Variants in ERC2 observed in about 807,000 individuals in gnomAD.
The protein encoded by ERC2 is ERC protein 2.
A neutral mutation model predicts 114.8 loss-of-function variants in ERC2; 42 were observed. The observed-to-expected ratio is 0.37, with a 90% CI of 0.29 to 0.47. The LOEUF (loss-of-function observed/expected upper bound fraction) is 0.47, where lower values mean the gene tolerates loss of function less well. Ranked by LOEUF, ERC2 falls within the 20% of genes least tolerant of loss-of-function variation. The probability of loss-of-function intolerance (pLI) is 0.99; values close to 1 mark genes in which losing one functional copy is unlikely to be tolerated. For missense variants in ERC2, 939 were observed against 1,150.7 expected (o/e 0.82, Z 2.66); for synonymous variants, 454 against 425.5 (o/e 1.07, Z -0.82).
chr3:55,665,543 G>T (rs1559470578), intron 17 of ERC2, among the ~76,000 whole-genome samples: 1 of 152,104 alleles, frequency 6.6e-6, no homozygotes, highest in South Asian at 2.1e-4. Flanking sequence ...AACAACGCCG[G>T]GAGAAAATGA....
intron 3 of ERC2, among the ~76,000 whole-genome samples, chr3:56,174,833 C>T (rs182645910): frequency 6.6e-6 from 1 of 152,180 alleles, no homozygotes; most frequent in African/African-American, 2.4e-5. Context: ...CAAAAATCAG[C>T]TGGGCATAGT....
intron 2 of ERC2, 118 bp from the exon 3 acceptor site, chr3:56,296,553 A>C: frequency 9.1e-7 from 1 of 1,099,048 alleles, no homozygotes; most frequent in East Asian, 2.6e-5. Context: ...TGAGGTCCGG[A>C]GGGCCAGCCA....
intron 2 of ERC2, among the ~76,000 whole-genome samples, chr3:56,425,830 AC>A (rs2061551854): frequency 6.6e-6 from 1 of 152,144 alleles, no homozygotes; most frequent in Non-Finnish European, 1.5e-5. Flanking sequence ...GAATGACCAA[AC>A]AACAGTGACT....
intron 14 of ERC2, among the ~76,000 whole-genome samples, chr3:55,869,605 A>G (rs565277714): frequency 6.6e-6 from 1 of 152,146 alleles, no homozygotes; most frequent in South Asian, 2.1e-4. Context: ...GCATTCCTCA[A>G]CCACATGACT....
chr3:55,630,287 C>T (rs1274968979), intron 17 of ERC2, among the ~76,000 whole-genome samples: 1 of 152,138 alleles, frequency 6.6e-6, no homozygotes, highest in Non-Finnish European at 1.5e-5. Flanking sequence ...CTCCTGCCTC[C>T]GCCGCCTGAG....
At chr3:55,960,599 C>T (rs1179109023) in intron 12 of ERC2, among the ~76,000 whole-genome samples, 1 of 152,128 alleles carries the variant, frequency 6.6e-6, no homozygotes, top group Non-Finnish European at 1.5e-5. Flanking sequence ...TTTTGAATTC[C>T]TTATGGACTA....
intron 13 of ERC2, among the ~76,000 whole-genome samples, chr3:55,895,086 G>A (rs1024240388): frequency 1.3e-5 from 2 of 152,166 alleles, no homozygotes; most frequent in Non-Finnish European, 2.9e-5. Context: ...ATCAAAAGCT[G>A]GAGCTCTAGA....
intron 6 of ERC2, among the ~76,000 whole-genome samples, chr3:56,095,849 G>T (rs938925880): frequency 2.6e-5 from 4 of 152,154 alleles, no homozygotes; most frequent in African/African-American, 9.7e-5. Context: ...ATCCATGGTG[G>T]TACATATTAT....
At chr3:55,723,111 A>G (rs1396406220) in intron 15 of ERC2, among the ~76,000 whole-genome samples, 1 of 152,254 alleles carries the variant, frequency 6.6e-6, no homozygotes, top group Admixed American at 6.5e-5. Context: ...CTGCAAAATG[A>G]TGGAAATCAT....
At chr3:56,258,379 C>T (rs1036628387) in intron 3 of ERC2, among the ~76,000 whole-genome samples, 5 of 152,148 alleles carry the variant, frequency 3.3e-5, no homozygotes, top group South Asian at 2.1e-4. Flanking sequence ...ATGTACTGGC[C>T]GGGCGCGGTG....
chr3:56,234,198 C>T (rs2150184841), intron 3 of ERC2, among the ~76,000 whole-genome samples: 1 of 152,286 alleles, frequency 6.6e-6, no homozygotes. Context: ...ACAGGCAAGA[C>T]AAAGAGTAGC....
At chr3:56,272,212 C>T (rs578155129) in intron 3 of ERC2, among the ~76,000 whole-genome samples, 1 of 152,264 alleles carries the variant, frequency 6.6e-6, no homozygotes, top group African/African-American at 2.4e-5. Flanking sequence ...TCAAAGTAAC[C>T]AACCTGGGCA....
intron 3 of ERC2, among the ~76,000 whole-genome samples, chr3:56,273,905 G>A (rs1389840400): frequency 6.7e-6 from 1 of 149,284 alleles, no homozygotes; most frequent in East Asian, 2.0e-4. Flanking sequence ...GTGCCCTCTA[G>A]AGTTGTGCAG....
chr3:56,301,307 TTTTAA>T (rs1319077727), intron 2 of ERC2, among the ~76,000 whole-genome samples: 1 of 152,256 alleles, frequency 6.6e-6, no homozygotes, highest in Non-Finnish European at 1.5e-5. Context: ...TTTCATTTTC[TTTTAA>T]TTTTTCATTT....
intron 2 of ERC2, among the ~76,000 whole-genome samples, chr3:56,320,615 T>C (rs2057084582): frequency 6.6e-6 from 1 of 152,070 alleles, no homozygotes; most frequent in African/African-American, 2.4e-5. Flanking sequence ...AGTTCCTAAA[T>C]ATTTACCATC....
chr3:56,115,190 C>T (rs1376707511), intron 6 of ERC2, among the ~76,000 whole-genome samples: 1 of 152,180 alleles, frequency 6.6e-6, no homozygotes, highest in Non-Finnish European at 1.5e-5. Flanking sequence ...CTCTCTATTG[C>T]AATTCCCCTG....
At chr3:55,964,266 G>C (rs1480419868) in intron 12 of ERC2, among the ~76,000 whole-genome samples, 1 of 152,178 alleles carries the variant, frequency 6.6e-6, no homozygotes, top group Non-Finnish European at 1.5e-5. Flanking sequence ...TATATAATAT[G>C]CCCAACATCA....
In ERC2 at chr3:55,604,884, C is replaced by T. The variant is rs529060958; in HGVS notation, c.*39+78910G>A. ...TTAAACCAGTGGCTCTCAAACTTTC[C>T]TGTGTATCAGGATCATCCAGAGGCC... On this transcript the variant is annotated intron_variant, in intron 17 of 17. Coordinates refer to ENST00000288221, the MANE Select transcript of ERC2 (RefSeq NM_015576.3). Among the ~76,000 whole-genome samples, 3 of 152,214 alleles carry T rather than the reference C, an allele frequency of 2.0e-5. No homozygotes were observed. In the East Asian group the frequency reaches 5.8e-4, roughly 29 times the overall value.
chr3:56,399,379 A>G (rs1231807609), intron 2 of ERC2, among the ~76,000 whole-genome samples: 1 of 152,226 alleles, frequency 6.6e-6, no homozygotes, highest in African/African-American at 2.4e-5. Context: ...TAGATATGCT[A>G]AGCACTCAAA....
Sources: allele counts gnomAD v4.1 joint callset (sites outside exome capture counted in the v4.1 genomes callset), GRCh38; gene constraint gnomAD v4.1.1; transcripts MANE v1.5; gene names NCBI Gene and HGNC (gene_info 2026-07-23, HGNC 2026-07-21).